The following RNF8 variants were observed in gnomAD, a reference collection of about 807,000 sequenced individuals.
RNF8 encodes the protein E3 ubiquitin-protein ligase RNF8.
A neutral mutation model predicts 59.3 loss-of-function variants in RNF8; 8 were observed. The ratio of observed to expected loss-of-function variants is 0.13; its 90% CI spans 0.08 to 0.24. RNF8 has a LOEUF of 0.24. RNF8 is among the 10% of genes least tolerant of loss of function. The pLI is 1.00. For missense variants in RNF8, 406 were observed against 572.6 expected (o/e 0.71, Z 2.97); for synonymous variants, 162 against 200.0 (o/e 0.81, Z 1.60).
intron 7 of RNF8, among the ~76,000 whole-genome samples, chr6:37,389,844 G>T (rs1474893731): frequency 6.6e-6 from 1 of 152,162 alleles, no homozygotes; most frequent in Non-Finnish European, 1.5e-5. Flanking sequence ...CCAAGGCTGA[G>T]GGCATGCCCA....
chr6:37,366,216 T>G (rs1477681704), intron 2 of RNF8, among the ~76,000 whole-genome samples: 1 of 151,828 alleles, frequency 6.6e-6, no homozygotes, highest in Non-Finnish European at 1.5e-5. Context: ...GTAATCTTAT[T>G]TATTTATTTT....
intron 1 of RNF8, among the ~76,000 whole-genome samples, chr6:37,358,894 C>G (rs1170038514): frequency 1.3e-5 from 2 of 151,882 alleles, no homozygotes; most frequent in South Asian, 4.1e-4. Context: ...ATCAGGAGTT[C>G]GAGACCAGCC....
chr6:37,390,441 G>A (rs1041629346), intron 7 of RNF8, among the ~76,000 whole-genome samples: 3 of 151,820 alleles, frequency 2.0e-5, no homozygotes, highest in African/African-American at 7.3e-5. Context: ...GGGAGGGGCA[G>A]CAAGGAGGCT....
intron 1 of RNF8, among the ~76,000 whole-genome samples, chr6:37,358,504 C>A (rs1769199385): frequency 6.6e-6 from 1 of 152,072 alleles, no homozygotes; most frequent in Non-Finnish European, 1.5e-5. Flanking sequence ...TGAATTATAG[C>A]CCATATAATT....
At chr6:37,358,978 T>A (rs191774079) in intron 1 of RNF8, among the ~76,000 whole-genome samples, 1 of 152,110 alleles carries the variant, frequency 6.6e-6, no homozygotes, top group African/African-American at 2.4e-5. Context: ...GTGCCTGTAA[T>A]CCCAGCTACG....
chr6:37,361,509 A>G (rs544659537), intron 2 of RNF8: 2 of 363,852 alleles, frequency 5.5e-6, no homozygotes, highest in Non-Finnish European at 1.1e-5. Flanking sequence ...AGATACCTAA[A>G]GTGCAGATAT....
intron 2 of RNF8, among the ~76,000 whole-genome samples, chr6:37,368,011 T>G (rs901498737): frequency 8.5e-5 from 13 of 152,204 alleles, no homozygotes; most frequent in African/African-American, 3.1e-4. Flanking sequence ...TACTCTCTTT[T>G]TTTTGGTTTA....
chr6:37,370,083 A>G lies in RNF8; in HGVS notation c.975+865A>G, dbSNP rs946195764. 8 of 152,280 alleles carry G rather than the reference A, an allele frequency of 5.3e-5. No homozygotes were observed. In the East Asian group the frequency reaches 1.5e-3, roughly 29 times the overall value. 9.4% of individuals were successfully genotyped at this position (152,280 alleles called of 1,614,324 possible). A position where few individuals can be genotyped will look rare whatever the true frequency, so the allele number is the denominator to read the frequency against. ...TAATATTGAATGTCAAGAATTCCCC[A>G]TTGTTGACTTAGAACTCAGACGGAC... is the stretch of plus-strand genomic sequence containing the variant. On this transcript the variant is annotated intron_variant, in intron 3 of 7. Coordinates refer to ENST00000373479, the MANE Select transcript of RNF8 (RefSeq NM_003958.4).
rs907281837 is a variant in RNF8 at position 37,360,676 on chromosome 6, T to A, written c.240+102T>A. The A allele has an allele frequency of 2.5e-6, 3 of 1,217,078 alleles. No individual in the cohort carries two copies. The highest frequency in any genetic ancestry group is 5.4e-5 in the Admixed American group (2 of 36,944). 75.4% of individuals were successfully genotyped at this position (1,217,078 alleles called of 1,614,324 possible). A position where few individuals can be genotyped will look rare whatever the true frequency, so the allele number is the denominator to read the frequency against. On this transcript the variant is annotated intron_variant, in intron 2 of 7. Transcript: ENST00000373479. The surrounding 1 kb of genome is among the most constrained non-coding windows in gnomAD (Gnocchi z 4.2). ...ATGGTATAAAATTCAAAAGTATAACTTCTTCTTTCCTAGCCATCCAGTTCC... is the reference window on the plus strand; with the variant it reads ...ATGGTATAAAATTCAAAAGTATAACATCTTCTTTCCTAGCCATCCAGTTCC...
At chr6:37,363,912 G>A (rs999827187) in intron 2 of RNF8, among the ~76,000 whole-genome samples, 6 of 152,162 alleles carry the variant, frequency 3.9e-5, no homozygotes, top group African/African-American at 1.4e-4. Context: ...GGGCGCTGTG[G>A]CTCACGCCTG....
Position 37,390,805 on chromosome 6 carries a change from C to T in RNF8, c.*47C>T. The stretch of plus-strand genomic sequence containing the variant: ...TGAAAGACTGCCAGGTAGTGCGAGC[C>T]TGAGATGGTCTGGAGGATTCTCTCT... On this transcript the variant is annotated 3_prime_UTR_variant, in exon 8 of 8. Transcript: ENST00000373479. 6.2e-7 allele frequency: 1 copy of T among 1,614,112 alleles called. No individual in the cohort carries two copies. The highest frequency in any genetic ancestry group is 8.5e-7 in the Non-Finnish European group (1 of 1,179,978).
chr6:37,370,817 A>G (rs1769771560), intron 3 of RNF8, among the ~76,000 whole-genome samples: 1 of 151,890 alleles, frequency 6.6e-6, no homozygotes, highest in South Asian at 2.1e-4. Context: ...AGGAGGCAAG[A>G]TGTTTCCTGC....
chr6:37,357,085 A>C (rs1160663867), intron 1 of RNF8, among the ~76,000 whole-genome samples: 2 of 152,176 alleles, frequency 1.3e-5, no homozygotes, highest in Admixed American at 6.5e-5. Flanking sequence ...GCCCAGGAGG[A>C]AAGAGATAGT....
At chr6:37,366,597 G>A (rs1279849157) in intron 2 of RNF8, among the ~76,000 whole-genome samples, 2 of 152,150 alleles carry the variant, frequency 1.3e-5, no homozygotes, top group East Asian at 3.8e-4. Flanking sequence ...AGATAAAACT[G>A]GAAACAAGGG....
intron 2 of RNF8, among the ~76,000 whole-genome samples, chr6:37,368,007 C>G (rs543815518): frequency 6.6e-6 from 1 of 152,028 alleles, no homozygotes; most frequent in South Asian, 2.1e-4. Context: ...ATAGTACTCT[C>G]TTTTTTTTGG....
At chr6:37,372,761 G>A (rs999643491) in intron 4 of RNF8, among the ~76,000 whole-genome samples, 1 of 152,222 alleles carries the variant, frequency 6.6e-6, no homozygotes. Context: ...CCAGAGGTAG[G>A]GAGTTCAAGA....
At chr6:37,374,834 T>G in intron 5 of RNF8, 125 bp downstream of exon 5, 1 of 658,750 alleles carries the variant, frequency 1.5e-6, no homozygotes. Flanking sequence ...TCTGGGGAGA[T>G]AATCTATAAA....
chr6:37,378,176 C>T (rs1461122091), intron 6 of RNF8, among the ~76,000 whole-genome samples: 2 of 152,096 alleles, frequency 1.3e-5, no homozygotes, highest in Admixed American at 6.5e-5. Flanking sequence ...TGCATGTAGT[C>T]CCAGCTAGTC....
rs927733518 is a variant in RNF8, at chr6:37,381,093, C to T, written c.1237-57C>T. ...CCTGTCCTAACTTTGAGATCACAAG[C>T]ATCCTGAGAAAGTAAGCATGAAAGT... On this transcript the variant is annotated intron_variant, in intron 6 of 7. Coordinates refer to ENST00000373479, the MANE Select transcript of RNF8 (RefSeq NM_003958.4). 5.5e-6 allele frequency: 8 copies of T among 1,455,452 alleles called. No individual in the cohort carries two copies. In the African/African-American group the frequency reaches 8.4e-5, roughly 15 times the overall value. The allele number at this position is 1,455,452 out of a possible 1,614,324, so 90.2% of individuals were successfully genotyped here. A position where few individuals can be genotyped will look rare whatever the true frequency, so the allele number is the denominator to read the frequency against.
Sources: allele counts gnomAD v4.1 joint callset (sites outside exome capture counted in the v4.1 genomes callset), GRCh38; gene constraint gnomAD v4.1.1; non-coding constraint Gnocchi (gnomAD v3.1); transcripts MANE v1.5; gene names NCBI Gene and HGNC (gene_info 2026-07-23, HGNC 2026-07-21).